The following NLRP13 variants were observed in gnomAD, a reference collection of about 807,000 sequenced individuals.
NLRP13 encodes the protein NLR family pyrin domain containing 13, also known as NACHT, LRR and PYD domains-containing protein 13.
In NLRP13, 82 loss-of-function variants were observed where a neutral mutation model predicts 94.4. The observed-to-expected ratio is 0.87, with a 90% CI of 0.73 to 1.04. NLRP13 has a LOEUF of 1.04. NLRP13 is among the 50% of genes least tolerant of loss of function. NLRP13 has a pLI of 0.00. For missense variants in NLRP13, 1,426 were observed against 1,230.8 expected, an observed-to-expected ratio of 1.16 and a Z score of -2.37; for synonymous variants, 553 against 464.7, an observed-to-expected ratio of 1.19 and a Z score of -2.45.
downstream of NLRP13, among the ~76,000 whole-genome samples, chr19:55,892,615 T>C (rs987942689): frequency 2.0e-5 from 3 of 152,060 alleles, no homozygotes; most frequent in African/African-American, 7.2e-5. Flanking sequence ...GAGATGGGGT[T>C]TCACCATGTT....
chr19:55,910,760 A>AT (rs1312841278), intron 5 of NLRP13, 27 bp from the exon 6 acceptor site: 4 of 1,566,418 alleles, frequency 2.6e-6, no homozygotes, highest in Non-Finnish European at 3.5e-6. Flanking sequence ...CAGAACACGG[A>AT]TAAGAGCAAA....
intron 1 of NLRP13, among the ~76,000 whole-genome samples, chr19:55,929,840 T>G (rs931819419): frequency 6.6e-6 from 1 of 151,940 alleles, no homozygotes; most frequent in South Asian, 2.1e-4. Context: ...ATACAAAGCA[T>G]GCAATAGAGA....
chr19:55,926,596 A>G (rs1986971339), intron 1 of NLRP13, among the ~76,000 whole-genome samples: 1 of 152,118 alleles, frequency 6.6e-6, no homozygotes, highest in African/African-American at 2.4e-5. Flanking sequence ...TGGTGTCTTT[A>G]TCCTAATCCT....
chr19:55,918,279 T>TTAAA, intron 4 of NLRP13, among the ~76,000 whole-genome samples: 1 of 146,250 alleles, frequency 6.8e-6, no homozygotes, highest in African/African-American at 2.5e-5. Flanking sequence ...GTTTATAGCA[T>TTAAA]TAAATGCTTA....
intron 9 of NLRP13, 25 bp from the exon 10 acceptor site, chr19:55,898,962 G>T (rs766605952): frequency 6.2e-7 from 1 of 1,602,974 alleles, no homozygotes; most frequent in Non-Finnish European, 8.5e-7. Flanking sequence ...CATACAAAAG[G>T]GGGGAAAGTA....
chr19:55,924,842 G>T, intron 2 of NLRP13, 125 bp downstream of exon 2: 3 of 914,714 alleles, frequency 3.3e-6, no homozygotes, highest in Non-Finnish European at 3.5e-6. Context: ...GAATTAGTTG[G>T]AAAGTTTTTA....
At chr19:55,922,705 T>C (rs1370222898) in intron 4 of NLRP13, among the ~76,000 whole-genome samples, 1 of 152,204 alleles carries the variant, frequency 6.6e-6, no homozygotes, top group African/African-American at 2.4e-5. Flanking sequence ...ACAACCTTCA[T>C]TCCAAGACTC....
At chr19:55,930,092 C>T (rs1238986427) in intron 1 of NLRP13, among the ~76,000 whole-genome samples, 4 of 152,148 alleles carry the variant, frequency 2.6e-5, no homozygotes, top group Admixed American at 6.5e-5. Flanking sequence ...ACTTGTATGA[C>T]TCCGCATGCC....
At chr19:55,923,813 A>C in intron 4 of NLRP13, 101 bp downstream of exon 4, 1 of 829,990 alleles carries the variant, frequency 1.2e-6, no homozygotes, top group Non-Finnish European at 2.1e-6. Flanking sequence ...CATACCATAA[A>C]CTGAAGAAAA....
rs374246998 is a variant in NLRP13, at chr19:55,908,941, GCC to G, written c.2283-987_2283-986del. 1.2e-4 allele frequency among the ~76,000 whole-genome samples: 19 copies of G among 152,318 alleles called. 1 individual carries two copies. Among genetic ancestry groups the G allele is most frequent in the African/African-American group, 4.6e-4 (19 of 41,582 alleles). On this transcript the variant is annotated intron_variant, in intron 6 of 10. Coordinates refer to ENST00000342929, the MANE Select transcript of NLRP13 (RefSeq NM_176810.2). ...TTTAAAAAAATAAATGAAGGCCACA[GCC>G]CCCTCTGCCTGCCTCTCATGAGTTT...
intron 4 of NLRP13, among the ~76,000 whole-genome samples, chr19:55,921,358 T>C (rs1466003856): frequency 2.6e-5 from 4 of 152,192 alleles, no homozygotes; most frequent in Non-Finnish European, 4.4e-5. Flanking sequence ...TAACGGATGA[T>C]ATTTTGTTAC....
downstream of NLRP13, among the ~76,000 whole-genome samples, chr19:55,895,198 T>TTAAA (rs1555812876): frequency 7.1e-6 from 1 of 140,410 alleles, no homozygotes; most frequent in African/African-American, 2.6e-5. Flanking sequence ...AAAAGTATGT[T>TTAAA]AAAAAAAAAA....
intron 2 of NLRP13, 68 bp downstream of exon 2, chr19:55,924,899 A>G: frequency 7.7e-7 from 1 of 1,303,556 alleles, no homozygotes; most frequent in Non-Finnish European, 1.1e-6. Flanking sequence ...TAGGCAGCGG[A>G]TGTGGACCAG....
At chr19:55,899,910 G>C (rs1372548674) in intron 9 of NLRP13, among the ~76,000 whole-genome samples, 1 of 151,348 alleles carries the variant, frequency 6.6e-6, no homozygotes, top group Non-Finnish European at 1.5e-5. Flanking sequence ...GTTTAGACAT[G>C]GTGGTCAAAG....
At chr19:55,904,674 C>T (rs1010518862) in intron 8 of NLRP13, among the ~76,000 whole-genome samples, 2 of 152,140 alleles carry the variant, frequency 1.3e-5, no homozygotes, top group Non-Finnish European at 2.9e-5. Context: ...TCTATCTCTG[C>T]TAGAAGCTCA....
At chr19:55,893,578 G>A (rs895963359), downstream of NLRP13, among the ~76,000 whole-genome samples, 12 of 152,026 alleles carry the variant, frequency 7.9e-5, no homozygotes, top group Admixed American at 3.3e-4. Context: ...TTGATGGCAC[G>A]GGAACCCCTT....
intron 9 of NLRP13, among the ~76,000 whole-genome samples, chr19:55,900,901 G>A (rs892566806): frequency 3.9e-5 from 6 of 152,100 alleles, no homozygotes; most frequent in Non-Finnish European, 8.8e-5. Context: ...GTTCGAGCAT[G>A]GATTGTAATA....
At chr19:55,893,146 T>A (rs1985902986), downstream of NLRP13, among the ~76,000 whole-genome samples, 1 of 152,144 alleles carries the variant, frequency 6.6e-6, no homozygotes, top group Non-Finnish European at 1.5e-5. Flanking sequence ...CCCAGCACTT[T>A]GGGAGGCTGA....
intron 6 of NLRP13, among the ~76,000 whole-genome samples, chr19:55,909,255 G>C (rs2072128282): frequency 1.3e-5 from 2 of 152,172 alleles, no homozygotes; most frequent in Non-Finnish European, 2.9e-5. Flanking sequence ...CTTCAAGCCA[G>C]ATCTGAGACA....
Sources: allele counts gnomAD v4.1 joint callset (sites outside exome capture counted in the v4.1 genomes callset), GRCh38; gene constraint gnomAD v4.1.1; transcripts MANE v1.5; gene names NCBI Gene and HGNC (gene_info 2026-07-23, HGNC 2026-07-21).